The following RECQL5 variants were observed in gnomAD, a reference collection of about 807,000 sequenced individuals.
RECQL5 encodes the protein ATP-dependent DNA helicase Q5.
RECQL5 carries 88 observed loss-of-function variants against 103.4 expected under a neutral mutation model. The ratio of observed to expected loss-of-function variants is 0.85; its 90% CI spans 0.72 to 1.02. The LOEUF (loss-of-function observed/expected upper bound fraction) is 1.02, where lower values mean the gene tolerates loss of function less well. RECQL5 is among the 50% of genes least tolerant of loss of function. The pLI is 0.00. For synonymous variants in RECQL5, 552 were observed against 507.9 expected, an observed-to-expected ratio of 1.09 and a Z score of -1.17; for missense variants, 1,232 against 1,284.3, an observed-to-expected ratio of 0.96 and a Z score of 0.62.
intron 8 of RECQL5, chr17:75,650,557 AT>A: frequency 6.5e-7 from 1 of 1,535,626 alleles, no homozygotes; most frequent in Non-Finnish European, 8.8e-7. Context: ...ATCCGACAGG[AT>A]CATTCCATGA....
At chr17:75,663,125 G>C in intron 3 of RECQL5, 128 bp from the exon 4 acceptor site, 2 of 900,606 alleles carry the variant, frequency 2.2e-6, no homozygotes, top group Non-Finnish European at 3.4e-6. Flanking sequence ...TCTTTGCATA[G>C]AAGTAGTAGA....
intron 7 of RECQL5, among the ~76,000 whole-genome samples, chr17:75,656,214 T>C (rs745791048): frequency 3.6e-4 from 55 of 152,172 alleles, no homozygotes; most frequent in Non-Finnish European, 6.5e-4. Context: ...GTAGCTGGGA[T>C]TACAGGCATG....
At chr17:75,659,149 C>T (rs1599053358) in intron 6 of RECQL5, among the ~76,000 whole-genome samples, 1 of 152,082 alleles carries the variant, frequency 6.6e-6, no homozygotes, top group Non-Finnish European at 1.5e-5. Context: ...GCAACCTCCA[C>T]CTCCCGGGTT....
rs774926013 is a variant in RECQL5, at chr17:75,640,320, T to C, written c.1230-8652A>G. The C allele has an allele frequency of 1.8e-4, 283 of 1,546,774 alleles. No individual in the cohort carries two copies. Among genetic ancestry groups the C allele is most frequent in the Non-Finnish European group, 1.0e-4 (118 of 1,144,502 alleles). ...ATCGTGGCCTTCTCAGTCATCATCC[T>C]TTTCACAGGTTAGTTGGGGCACTCA... On this transcript the variant is annotated intron_variant, in intron 8 of 19. Coordinates refer to ENST00000317905, the MANE Select transcript of RECQL5 (RefSeq NM_004259.7). The surrounding 1 kb of genome is among the most constrained non-coding windows in gnomAD (Gnocchi z 4.6).
intron 8 of RECQL5, 60 bp from the exon 9 acceptor site, chr17:75,631,728 C>G: frequency 6.4e-7 from 1 of 1,562,960 alleles, no homozygotes; most frequent in South Asian, 1.1e-5. Flanking sequence ...AGCGTCTGTT[C>G]ACCCGAGCCT....
At chr17:75,632,757 G>T (rs1598992487) in intron 8 of RECQL5, among the ~76,000 whole-genome samples, 1 of 152,238 alleles carries the variant, frequency 6.6e-6, no homozygotes, top group South Asian at 2.1e-4. Flanking sequence ...AGCTCTCTCA[G>T]GCTCCTTATA....
intron 7 of RECQL5, among the ~76,000 whole-genome samples, chr17:75,653,727 G>A (rs1315367699): frequency 6.6e-6 from 1 of 152,026 alleles, no homozygotes; most frequent in African/African-American, 2.4e-5. Context: ...GGTGAAACCT[G>A]TCTCTACTAA....
At chr17:75,647,409 G>C in intron 8 of RECQL5, 1 of 1,549,846 alleles carries the variant, frequency 6.5e-7, no homozygotes, top group Non-Finnish European at 8.7e-7. Context: ...AGACAATCTG[G>C]AATGATGCGT....
Position 75,658,276 on chromosome 17 carries a change from C to T in RECQL5, c.1149+22G>A, listed in dbSNP as rs911293325. ...GAGAGTGGTGGGTCAGACTGAAAGA[C>T]CTTCTACTGCCCAAGCCTTACCTGG... is the stretch of plus-strand genomic sequence containing the variant. On this transcript the variant is annotated intron_variant, in intron 7 of 19. Transcript: ENST00000317905. 4 of 1,608,432 alleles carry T rather than the reference C, an allele frequency of 2.5e-6. No individual in the cohort carries two copies. The Admixed American group carries it at 5.0e-5, about 20-fold the overall frequency.
At position 75,631,144 on chromosome 17, in the gene RECQL5, C is replaced by T. The variant is rs2059205599; in HGVS notation, c.1548+6G>A. On this transcript the variant is annotated splice_donor_region_variant and intron_variant, in intron 10 of 19. Transcript: ENST00000317905. ...CCCACACAGGCCACTGAGTGCCTCC[C>T]CTCACCTTGCGCAGCTGCATCTGCT... is the stretch of plus-strand genomic sequence containing the variant. 4 of 1,613,456 alleles carry T rather than the reference C, an allele frequency of 2.5e-6. No individual in the cohort carries two copies. Among genetic ancestry groups the T allele is most frequent in the African/African-American group, 2.7e-5 (2 of 74,936 alleles).
At chr17:75,632,087 G>T (rs116168529) in intron 8 of RECQL5, among the ~76,000 whole-genome samples, 99 of 152,354 alleles carry the variant, frequency 6.5e-4, no homozygotes, top group African/African-American at 2.3e-3. Context: ...CAGCCCTCAC[G>T]GACTGAGCGA....
intron 8 of RECQL5, chr17:75,647,818 T>C (rs2059507431): frequency 4.6e-6 from 2 of 432,744 alleles, no homozygotes; most frequent in Non-Finnish European, 8.6e-6. Flanking sequence ...ACCAGAACCC[T>C]AAAAGCACAT....
Position 75,640,144 on chromosome 17 carries a change from G to C in RECQL5, c.1230-8476C>G. ...TGTGGGGCCAGCCGTGGAGGCTCCA[G>C]GTGTTCTCTCTGCCCCAGCAGAGCC... On this transcript the variant is annotated intron_variant, in intron 8 of 19. Coordinates refer to ENST00000317905, the MANE Select transcript of RECQL5 (RefSeq NM_004259.7). This position sits in a 1 kb window ranked among gnomAD's most constrained non-coding sequence, Gnocchi z 4.6. 1 of 1,494,750 alleles carries C rather than the reference G, an allele frequency of 6.7e-7. No individual in the cohort carries two copies. Among genetic ancestry groups the C allele is most frequent in the Non-Finnish European group, 8.9e-7 (1 of 1,124,520 alleles). 92.6% of individuals were successfully genotyped at this position (1,494,750 alleles called of 1,614,324 possible).
intron 8 of RECQL5, among the ~76,000 whole-genome samples, chr17:75,642,979 G>A (rs1480742986): frequency 6.6e-6 from 1 of 152,158 alleles, no homozygotes; most frequent in Admixed American, 6.5e-5. Context: ...ATCCTCCATC[G>A]ACCAACCCTA....
chr17:75,660,578 C>G (rs764725925), intron 6 of RECQL5, among the ~76,000 whole-genome samples: 1 of 152,236 alleles, frequency 6.6e-6, no homozygotes, highest in African/African-American at 2.4e-5. Context: ...TACAATCTTA[C>G]AGGATCTCAG....
rs978142420 is a variant in RECQL5 at position 75,663,660 on chromosome 17, C to T, written c.253-663G>A. On this transcript the variant is annotated intron_variant, in intron 3 of 19. Coordinates refer to ENST00000317905, the MANE Select transcript of RECQL5 (RefSeq NM_004259.7). ...TAGATTTCATCCTGGCTCACTTAAT[C>T]GCCACATGCTCGCTGGCTGTTTCTT... Among the ~76,000 whole-genome samples the T allele has an allele frequency of 5.3e-5, 8 of 152,154 alleles. No homozygotes were observed. In the East Asian group the frequency reaches 5.8e-4, roughly 11 times the overall value.
At position 75,627,512 on chromosome 17, in the gene RECQL5, CTCT is replaced by C; in HGVS notation, c.2883_2885del (p.Glu962del). Reference sequence around the variant, plus strand: ...AGAAGTGCCTGATGAGGTTCTGGGCCTCTTCTTTCACTACAGATTCAGGGTGGG... The same window carrying C: ...AGAAGTGCCTGATGAGGTTCTGGGCCTCTTTCACTACAGATTCAGGGTGGG... On this transcript the variant is annotated inframe_deletion, in exon 20 of 20. Transcript: ENST00000317905. 2 of 1,613,952 alleles carry C rather than the reference CTCT, an allele frequency of 1.2e-6. No homozygotes were observed. The highest frequency in any genetic ancestry group is 2.2e-5 in the East Asian group (1 of 44,864).
Position 75,661,650 on chromosome 17 carries a change from A to G in RECQL5, c.830T>C (p.Ile277Thr), listed in dbSNP as rs1191064911. The G allele has an allele frequency of 6.2e-7, 1 of 1,614,074 alleles. No homozygotes were observed. The highest frequency in any genetic ancestry group is 2.2e-5 in the East Asian group (1 of 44,880). ...GTTCACACCCCTGCAGCTGAGCTCT[A>G]TGGCCAGCTGTTCACAAGCCTCTCT... ...RTREACEQLA[I>T]ELSCRGVNAK... The change falls in exon 5 of 20, where the codon ATA (isoleucine) becomes ACA (threonine). Residue 277 changes from isoleucine (I) to threonine (T), a missense_variant. By Grantham distance (89) the Ile-to-Thr change is moderately conservative. Transcript: ENST00000317905.
chr17:75,634,279 CA>C (rs2059277301), intron 8 of RECQL5: 1 of 983,400 alleles, frequency 1.0e-6, no homozygotes, highest in South Asian at 4.7e-5. Flanking sequence ...GGTGAAGGGC[CA>C]CAGTCTACCA....
Sources: gnomAD v4.1 joint callset for allele counts (sites outside exome capture counted in the v4.1 genomes callset) on GRCh38, gnomAD v4.1.1 for gene constraint, Gnocchi (gnomAD v3.1) non-coding constraint, MANE v1.5 for transcripts, NCBI Gene and HGNC (gene_info 2026-07-23, HGNC 2026-07-21) for gene names.